The following NEK5 variants were observed in gnomAD, a reference collection of about 807,000 sequenced individuals.
NEK5 encodes serine/threonine-protein kinase Nek5.
Under a neutral mutation model 109.2 loss-of-function variants are expected in NEK5, and 88 were observed. That is an observed-to-expected ratio of 0.81 (90% CI 0.68 to 0.96). The LOEUF is 0.96. Ranked by LOEUF, NEK5 falls within the 40% of genes least tolerant of loss-of-function variation. The probability of loss-of-function intolerance (pLI) is 0.00; values close to 1 mark genes in which losing one functional copy is unlikely to be tolerated. For synonymous variants in NEK5, 283 were observed against 299.9 expected, an observed-to-expected ratio of 0.94 and a Z score of 0.58; for missense variants, 834 against 920.7, an observed-to-expected ratio of 0.91 and a Z score of 1.22.
intron 22 of NEK5, among the ~76,000 whole-genome samples, chr13:52,058,843 A>C (rs1429927274): frequency 6.6e-6 from 1 of 152,226 alleles, no homozygotes; most frequent in African/African-American, 2.4e-5. Flanking sequence ...CTAAAACCAT[A>C]AAAACCATAG....
At chr13:52,092,580 G>A (rs1955310044) in intron 13 of NEK5, among the ~76,000 whole-genome samples, 2 of 152,042 alleles carry the variant, frequency 1.3e-5, no homozygotes, top group African/African-American at 2.4e-5. Context: ...GTATAGGGCT[G>A]ACATAGAAAG....
At chr13:52,112,235 C>A (rs748185747) in intron 5 of NEK5, 33 bp downstream of exon 5, 1 of 1,206,342 alleles carries the variant, frequency 8.3e-7, no homozygotes, top group Non-Finnish European at 1.2e-6. Flanking sequence ...ACCACACATA[C>A]ATAAAATTAA....
chr13:52,084,440 A>G (rs1360910283), intron 16 of NEK5, among the ~76,000 whole-genome samples: 1 of 152,116 alleles, frequency 6.6e-6, no homozygotes, highest in African/African-American at 2.4e-5. Flanking sequence ...GCCGGTCTCA[A>G]ACTCCTGGGC....
Position 52,050,233 on chromosome 13 carries a change from A to G in NEK5, c.2111-12T>C. 1 of 953,916 alleles carries G rather than the reference A, an allele frequency of 1.0e-6. No individual in the cohort carries two copies. Among genetic ancestry groups the G allele is most frequent in the Non-Finnish European group, 1.2e-6 (1 of 800,784 alleles). The allele number at this position is 953,916 out of a possible 1,614,324, so 59.1% of individuals were successfully genotyped here. A position where few individuals can be genotyped will look rare whatever the true frequency, so the allele number is the denominator to read the frequency against. Reference sequence around the variant, plus strand: ...TAATGTTCCCATTGCTAAAGAAATGACAGAGAAAGATATGAAAGCATCCCA... The same window carrying G: ...TAATGTTCCCATTGCTAAAGAAATGGCAGAGAAAGATATGAAAGCATCCCA... On this transcript the variant is annotated splice_polypyrimidine_tract_variant and intron_variant, in intron 22 of 23. Coordinates refer to ENST00000684899, the MANE Select transcript of NEK5 (RefSeq NM_001365552.1).
At chr13:52,096,000 A>C (rs771926425) in intron 12 of NEK5, among the ~76,000 whole-genome samples, 7 of 152,066 alleles carry the variant, frequency 4.6e-5, no homozygotes, top group Non-Finnish European at 1.0e-4. Flanking sequence ...AGTTTTCATG[A>C]GATCTGGTTG....
chr13:52,077,914 A>G (rs1954897784), intron 17 of NEK5, among the ~76,000 whole-genome samples: 1 of 152,118 alleles, frequency 6.6e-6, no homozygotes, highest in Non-Finnish European at 1.5e-5. Context: ...GTCTCTATTA[A>G]AAATACAAAA....
In NEK5 at chr13:52,127,424, A is replaced by G; in HGVS notation, c.59T>C (p.Leu20Ser). The G allele has an allele frequency of 6.2e-7, 1 of 1,613,230 alleles. No homozygotes were observed. The highest frequency in any genetic ancestry group is 2.2e-5 in the East Asian group (1 of 44,882). ...IGQGAFGKAY[L>S]AKGKSDSKHC... Reference sequence around the variant, plus strand: ...CTTGCTATCTGATTTCCCTTTAGCTAAGTATGCTTTCCCGAAGGCACCTTG... The same window carrying G: ...CTTGCTATCTGATTTCCCTTTAGCTGAGTATGCTTTCCCGAAGGCACCTTG... The change falls in exon 3 of 24, where the codon TTA (leucine) becomes TCA (serine). Residue 20 changes from leucine (L) to serine (S), a missense_variant. By Grantham distance (145) the Leu-to-Ser change is moderately radical. This residue lies in a region of NEK5 where 777 missense variants were observed against 824.7 expected (regional missense o/e 0.94). Transcript: ENST00000684899.
intron 9 of NEK5, among the ~76,000 whole-genome samples, chr13:52,103,888 G>T (rs1050964076): frequency 2.0e-5 from 3 of 152,172 alleles, no homozygotes; most frequent in African/African-American, 7.2e-5. Flanking sequence ...TTAAAAGCTT[G>T]TGCCTGGTTT....
chr13:52,104,206 AC>A (rs933444758), intron 9 of NEK5, among the ~76,000 whole-genome samples: 2 of 151,302 alleles, frequency 1.3e-5, no homozygotes, highest in Non-Finnish European at 3.0e-5. Flanking sequence ...CAAGTGATCC[AC>A]CCGCCTCAGC....
Position 52,083,247 on chromosome 13 carries a change from T to C in NEK5, c.1572+13A>G, listed in dbSNP as rs75573681. Reference sequence around the variant, plus strand: ...CACTGCAAGCACACACATCTGATCATAGCCATCATTACCTGCACAGGTGCT... The same window carrying C: ...CACTGCAAGCACACACATCTGATCACAGCCATCATTACCTGCACAGGTGCT... On this transcript the variant is annotated intron_variant, in intron 17 of 23. Coordinates refer to ENST00000684899, the MANE Select transcript of NEK5 (RefSeq NM_001365552.1). 3.8e-6 allele frequency: 6 copies of C among 1,562,866 alleles called. No homozygotes were observed. The highest frequency in any genetic ancestry group is 2.2e-5 in the East Asian group (1 of 44,654).
Position 52,089,852 on chromosome 13 carries a change from G to C in NEK5, c.1209-539C>G, listed in dbSNP as rs370719539. ...AAAAATTAGTGGGGCGTGGTGGTGGGCACCTGTAATCCCAGCTACTGGGGA... is the reference window on the plus strand; with the variant it reads ...AAAAATTAGTGGGGCGTGGTGGTGGCCACCTGTAATCCCAGCTACTGGGGA... On this transcript the variant is annotated intron_variant, in intron 13 of 23. Coordinates refer to ENST00000684899, the MANE Select transcript of NEK5 (RefSeq NM_001365552.1). Among the ~76,000 whole-genome samples the C allele has an allele frequency of 3.4e-4, 52 of 152,062 alleles. No homozygotes were observed. In the East Asian group the frequency reaches 4.8e-3, roughly 14 times the overall value.
chr13:52,084,760 AGAGTGTGT>A (rs1221345365), intron 16 of NEK5, among the ~76,000 whole-genome samples: 144 of 36,606 alleles, frequency 3.9e-3, no homozygotes, highest in African/African-American at 6.2e-3. Context: ...AGAGAGAGAG[AGAGTGTGT>A]GTGTGTGTGT....
In NEK5 at chr13:52,121,803, G is replaced by C. The variant is rs544134610; in HGVS notation, c.118-2388C>G. 2.6e-5 allele frequency among the ~76,000 whole-genome samples: 4 copies of C among 152,222 alleles called. No individual in the cohort carries two copies. The East Asian group carries it at 7.7e-4, about 29-fold the overall frequency. On this transcript the variant is annotated intron_variant, in intron 3 of 23. Coordinates refer to ENST00000684899, the MANE Select transcript of NEK5 (RefSeq NM_001365552.1). ...ATATATAGGCAAGCATATATACATA[G>C]TTTTGTTTAATAAAAATGAATCATA...
intron 23 of NEK5, among the ~76,000 whole-genome samples, chr13:52,045,786 A>T (rs1954453627): frequency 9.2e-6 from 1 of 108,194 alleles, no homozygotes; most frequent in Non-Finnish European, 2.0e-5. Context: ...AAAAAAAAAA[A>T]GTTGGGACCT....
chr13:52,066,314 T>TA, intron 20 of NEK5, among the ~76,000 whole-genome samples: 1 of 152,228 alleles, frequency 6.6e-6, no homozygotes, highest in Non-Finnish European at 1.5e-5. Context: ...TACCATTATA[T>TA]AATGACCTCA....
At position 52,117,311 on chromosome 13, in the gene NEK5, T is replaced by A. The variant is rs145565810; in HGVS notation, c.214+2008A>T. ...AGGGAAAACAAGCCTTTACCTACAC[T>A]CTCTAAAAGACAGAGGCTACAAGGC... On this transcript the variant is annotated intron_variant, in intron 4 of 23. Transcript: ENST00000684899. Among the ~76,000 whole-genome samples, 360 of 152,280 alleles carry A rather than the reference T, an allele frequency of 2.4e-3. 2 individuals are homozygous for A. The highest frequency in any genetic ancestry group is 7.9e-3 in the African/African-American group (330 of 41,546).
intron 17 of NEK5, among the ~76,000 whole-genome samples, chr13:52,082,049 C>T (rs186328563): frequency 2.0e-5 from 3 of 152,360 alleles, no homozygotes; most frequent in Non-Finnish European, 2.9e-5. Context: ...GGCGGGGTGG[C>T]TCATGCCTAT....
At chr13:52,090,444 C>G (rs1348035326) in intron 13 of NEK5, among the ~76,000 whole-genome samples, 1 of 152,128 alleles carries the variant, frequency 6.6e-6, no homozygotes, top group African/African-American at 2.4e-5. Context: ...AAATGACAAG[C>G]TAAAGTCTTT....
At chr13:52,080,745 C>T (rs1358590126) in intron 17 of NEK5, among the ~76,000 whole-genome samples, 1 of 151,992 alleles carries the variant, frequency 6.6e-6, no homozygotes, top group Non-Finnish European at 1.5e-5. Flanking sequence ...CCCAGGGACA[C>T]AAACACTGCG....
Sources: allele counts gnomAD v4.1 joint callset (sites outside exome capture counted in the v4.1 genomes callset), GRCh38; gene constraint gnomAD v4.1.1; regional missense constraint gnomAD v4.1.1; transcripts MANE v1.5; gene names NCBI Gene and HGNC (gene_info 2026-07-23, HGNC 2026-07-21).